NAALADL2: variants seen among roughly 807,000 people sequenced by gnomAD.
The protein encoded by NAALADL2 is inactive N-acetylated-alpha-linked acidic dipeptidase-like protein 2.
In NAALADL2, 76 loss-of-function variants were observed where a neutral mutation model predicts 87.2. That is an observed-to-expected ratio of 0.87 (90% CI 0.72 to 1.05). The LOEUF is 1.05. Ranked by LOEUF, NAALADL2 falls within the 50% of genes least tolerant of loss-of-function variation. NAALADL2 has a pLI of 0.00. For synonymous variants in NAALADL2, 354 were observed against 331.0 expected (o/e 1.07, Z -0.75); for missense variants, 1,089 against 945.8 (o/e 1.15, Z -1.99).
chr3:175,542,685 G>T (rs1287286343), intron 9 of NAALADL2, among the ~76,000 whole-genome samples: 1 of 152,114 alleles, frequency 6.6e-6, no homozygotes, highest in Non-Finnish European at 1.5e-5. Context: ...GACTTTGATT[G>T]CAGAGGCAGA....
intron 1 of NAALADL2, among the ~76,000 whole-genome samples, chr3:175,063,988 T>C (rs1004033621): frequency 8.5e-5 from 13 of 152,128 alleles, no homozygotes; most frequent in Non-Finnish European, 1.6e-4. Flanking sequence ...AATTCAGCTG[T>C]CACTTAATAG....
chr3:174,473,637 A>G (rs1717042269), intron 1 of NAALADL2, among the ~76,000 whole-genome samples: 1 of 152,124 alleles, frequency 6.6e-6, no homozygotes, highest in African/African-American at 2.4e-5. Flanking sequence ...TGCCTTACCT[A>G]TTGAGAATAT....
At chr3:174,832,687 C>T (rs1452048910) in intron 3 of NAALADL2, among the ~76,000 whole-genome samples, 3 of 152,044 alleles carry the variant, frequency 2.0e-5, no homozygotes, top group South Asian at 2.1e-4. Flanking sequence ...AAGATGGTCT[C>T]GATCTCTTGA....
intron 3 of NAALADL2, among the ~76,000 whole-genome samples, chr3:175,247,581 TG>T (rs68104994): frequency 0.8 from 121,262 of 152,040 alleles, 48,393 homozygotes; most frequent in East Asian, 0.87. Flanking sequence ...AGCTAGTCGC[TG>T]GTAGTTGTGC....
Position 175,563,029 on chromosome 3 carries a change from A to G in NAALADL2, c.1654-13012A>G, listed in dbSNP as rs142291559. On this transcript the variant is annotated intron_variant, in intron 9 of 13. Coordinates refer to ENST00000454872, the MANE Select transcript of NAALADL2 (RefSeq NM_207015.3). ...TAATTTATAATAATTACAGTATGTA[A>G]TAAGTGCTTTACACTAGATGAGTGC... Among the ~76,000 whole-genome samples, 45 of 152,030 alleles carry G rather than the reference A, an allele frequency of 3.0e-4. 1 individual carries two copies. The highest frequency in any genetic ancestry group is 1.1e-3 in the African/African-American group (44 of 41,486).
At chr3:175,743,557 G>A (rs904395523) in intron 12 of NAALADL2, among the ~76,000 whole-genome samples, 1 of 152,342 alleles carries the variant, frequency 6.6e-6, no homozygotes, top group Non-Finnish European at 1.5e-5. Flanking sequence ...GCATTATGAT[G>A]GACCAGATGT....
intron 2 of NAALADL2, among the ~76,000 whole-genome samples, chr3:174,573,543 G>A (rs1396466324): frequency 2.6e-5 from 4 of 152,088 alleles, no homozygotes; most frequent in Admixed American, 6.6e-5. Context: ...AAGTTTATTC[G>A]ACTCATGGTT....
At chr3:175,235,179 T>C (rs1435043459) in intron 3 of NAALADL2, 1 of 152,176 alleles carries the variant, frequency 6.6e-6, no homozygotes. Context: ...TATTATTAAC[T>C]TTGATTGATA....
intron 2 of NAALADL2, among the ~76,000 whole-genome samples, chr3:174,605,830 T>C (rs948761433): frequency 6.6e-5 from 10 of 152,158 alleles, no homozygotes; most frequent in Middle Eastern, 3.2e-3. Flanking sequence ...TCTCCCAGCA[T>C]GCAGCTGGAG....
chr3:175,760,730 A>G (rs1290059616), intron 13 of NAALADL2, among the ~76,000 whole-genome samples: 2 of 152,106 alleles, frequency 1.3e-5, no homozygotes, highest in African/African-American at 4.8e-5. Flanking sequence ...GTGTCTGGAG[A>G]GGAGATCTCT....
At chr3:175,075,289 T>C (rs568665315) in intron 1 of NAALADL2, among the ~76,000 whole-genome samples, 3 of 152,308 alleles carry the variant, frequency 2.0e-5, no homozygotes, top group Non-Finnish European at 2.9e-5. Context: ...ATTTTTATGT[T>C]ATACTTATTG....
At chr3:175,088,291 T>G (rs945873018) in intron 1 of NAALADL2, among the ~76,000 whole-genome samples, 2 of 152,178 alleles carry the variant, frequency 1.3e-5, no homozygotes, top group Non-Finnish European at 2.9e-5. Context: ...CAATATAGAT[T>G]TGGGAGGTTA....
chr3:175,488,350 C>T (rs1727604514), intron 9 of NAALADL2, among the ~76,000 whole-genome samples: 1 of 152,186 alleles, frequency 6.6e-6, no homozygotes, highest in Non-Finnish European at 1.5e-5. Context: ...TGATGACCAA[C>T]AAGCATTCTA....
chr3:174,611,648 G>A (rs1719898000), intron 2 of NAALADL2, among the ~76,000 whole-genome samples: 1 of 152,148 alleles, frequency 6.6e-6, no homozygotes, highest in Admixed American at 6.5e-5. Flanking sequence ...CTGGAGAGCA[G>A]TGGTGTGATC....
At chr3:175,059,924 C>A (rs1430607454) in intron 1 of NAALADL2, 4 of 407,138 alleles carry the variant, frequency 9.8e-6, no homozygotes, top group Non-Finnish European at 1.5e-5. Flanking sequence ...TCAAATACTG[C>A]CACATCTGCT....
chr3:174,972,058 C>T (rs1428052868), intron 1 of NAALADL2, among the ~76,000 whole-genome samples: 1 of 152,018 alleles, frequency 6.6e-6, no homozygotes, highest in Non-Finnish European at 1.5e-5. Flanking sequence ...TTTATCCTGC[C>T]CATGAACACC....
chr3:175,654,620 G>A (rs994869875), intron 11 of NAALADL2, among the ~76,000 whole-genome samples: 2 of 152,080 alleles, frequency 1.3e-5, no homozygotes, highest in Non-Finnish European at 2.9e-5. Context: ...CACAAAAATC[G>A]CAATTGGCAT....
chr3:175,481,925 A>C (rs990861880), intron 9 of NAALADL2, among the ~76,000 whole-genome samples: 1 of 151,948 alleles, frequency 6.6e-6, no homozygotes, highest in Non-Finnish European at 1.5e-5. Context: ...TCTGGATTGG[A>C]GTGCCATTAG....
chr3:175,747,963 G>C (rs904015623), intron 12 of NAALADL2, among the ~76,000 whole-genome samples: 56 of 151,960 alleles, frequency 3.7e-4, no homozygotes, highest in Admixed American at 2.2e-3. Context: ...ATCTGCAGTG[G>C]CTACCTGGAT....
Sources: gnomAD v4.1 joint callset for allele counts (sites outside exome capture counted in the v4.1 genomes callset) on GRCh38, gnomAD v4.1.1 for gene constraint, MANE v1.5 for transcripts, NCBI Gene and HGNC (gene_info 2026-07-23, HGNC 2026-07-21) for gene names.